NENF: variants seen among roughly 807,000 people sequenced by gnomAD.
The protein encoded by NENF is neudesin neurotrophic factor.
NENF carries 6 observed loss-of-function variants against 14.8 expected under a neutral mutation model. The observed-to-expected ratio is 0.40, with a 90% CI of 0.22 to 0.80. The LOEUF is 0.80. NENF is among the 30% of genes least tolerant of loss of function. The probability of loss-of-function intolerance (pLI) is 0.34; values close to 1 mark genes in which losing one functional copy is unlikely to be tolerated. For synonymous variants in NENF, 76 were observed against 95.1 expected (o/e 0.80, Z 1.17); for missense variants, 184 against 212.7 (o/e 0.87, Z 0.84).
In NENF at chr1:212,445,988, C is replaced by CA. The variant is rs763024026; in HGVS notation, c.502dup (p.Ile168AsnfsTer4). 3.1e-5 allele frequency: 50 copies of CA among 1,614,212 alleles called. No individual in the cohort carries two copies. The Middle Eastern group carries it at 5.0e-4, about 16-fold the overall frequency. On this transcript the variant is annotated frameshift_variant, in exon 4 of 4. Coordinates refer to ENST00000366988, the MANE Select transcript of NENF (RefSeq NM_013349.5). LOFTEE classifies it high-confidence loss of function. ...AGCCTGAAGACCAGCCCCATTTTGA[C>CA]ATCAAGGATGAGTTCTGATGTTCCC... is the stretch of plus-strand genomic sequence containing the variant.
chr1:212,435,363 C>T (rs1023614859), intron 1 of NENF, among the ~76,000 whole-genome samples: 5 of 152,182 alleles, frequency 3.3e-5, no homozygotes, highest in African/African-American at 1.2e-4. Flanking sequence ...CTTTTAGAGG[C>T]AGGGTCTTGC....
In NENF at chr1:212,433,956, A is replaced by C. The variant is rs938766073; in HGVS notation, c.177+836A>C. 6.6e-6 allele frequency among the ~76,000 whole-genome samples: 1 copy of C among 152,176 alleles called. No individual in the cohort carries two copies. The highest frequency in any genetic ancestry group is 1.5e-5 in the Non-Finnish European group (1 of 68,036). Reference sequence around the variant, plus strand: ...GCAGGAACCCATCTCCTGCTTTTACACATAAGGAAACTGAGGCCTGCCACC... The same window carrying C: ...GCAGGAACCCATCTCCTGCTTTTACCCATAAGGAAACTGAGGCCTGCCACC... On this transcript the variant is annotated intron_variant, in intron 1 of 3. Transcript: ENST00000366988. The surrounding 1 kb of genome is among the most constrained non-coding windows in gnomAD (Gnocchi z 5.5).
intron 1 of NENF, among the ~76,000 whole-genome samples, chr1:212,437,957 C>G (rs1337152228): frequency 6.6e-6 from 1 of 152,088 alleles, no homozygotes; most frequent in Admixed American, 6.5e-5. Flanking sequence ...AGTTTGAGAC[C>G]AGCCTGGGCA....
intron 2 of NENF, among the ~76,000 whole-genome samples, 179 bp downstream of exon 2, chr1:212,442,804 A>G (rs1166061232): frequency 1.3e-5 from 2 of 152,082 alleles, no homozygotes; most frequent in East Asian, 3.8e-4. Flanking sequence ...GTGCGGTGGC[A>G]CGATCTTGGC....
intron 1 of NENF, among the ~76,000 whole-genome samples, chr1:212,439,613 G>A (rs755872287): frequency 5.3e-5 from 8 of 149,712 alleles, no homozygotes; most frequent in Non-Finnish European, 1.2e-4. Flanking sequence ...AGAGGTCAAG[G>A]CAGGCAGATT....
In NENF at chr1:212,446,287, C is replaced by G. The variant is rs1277372507; in HGVS notation, c.*281C>G. ...GCAGTGGAATTTTGAGCGACCTTTA[C>G]TTTATACTTTTCTGTGCTTGACAGA... is the stretch of plus-strand genomic sequence containing the variant. On this transcript the variant is annotated 3_prime_UTR_variant, in exon 4 of 4. Coordinates refer to ENST00000366988, the MANE Select transcript of NENF (RefSeq NM_013349.5). 1.1e-5 allele frequency: 4 copies of G among 365,316 alleles called. No individual in the cohort carries two copies. In the Admixed American group the frequency reaches 1.2e-4, roughly 11 times the overall value. The allele number at this position is 365,316 out of a possible 1,614,324, so 22.6% of individuals were successfully genotyped here. A position where few individuals can be genotyped will look rare whatever the true frequency, so the allele number is the denominator to read the frequency against.
chr1:212,443,290 A>G (rs1662723895), intron 2 of NENF, among the ~76,000 whole-genome samples: 1 of 152,210 alleles, frequency 6.6e-6, no homozygotes, highest in Non-Finnish European at 1.5e-5. Context: ...ACTACTAATG[A>G]TATCTTGGAG....
In NENF at chr1:212,445,862, G is replaced by A. The variant is rs981224657; in HGVS notation, c.375G>A (p.Leu125=). The A allele has an allele frequency of 3.1e-6, 5 of 1,614,088 alleles. No homozygotes were observed. In the African/African-American group the frequency reaches 4.0e-5, roughly 13 times the overall value. The change falls in exon 4 of 4, where the codon CTG becomes CTA. Residue 125 remains leucine (L), a synonymous_variant. Transcript: ENST00000366988. Reference sequence around the variant, plus strand: ...TCACGGCCAAGGAACTGGAGGCCCTGGATGAGGTCTTCACCAAAGTGTACA... The same window carrying A: ...TCACGGCCAAGGAACTGGAGGCCCTAGATGAGGTCTTCACCAAAGTGTACA... ...TGLTAKELEA[L]DEVFTKVYKA...
At position 212,446,017 on chromosome 1, in the gene NENF, G is replaced by A. The variant is rs766943621; in HGVS notation, c.*11G>A. ...AAGGATGAGTTCTGATGTTCCCCCT[G>A]CAGGAGCAGGTTCTTGGGAGCGTGA... On this transcript the variant is annotated 3_prime_UTR_variant, in exon 4 of 4. Transcript: ENST00000366988. 3 of 1,613,850 alleles carry A rather than the reference G, an allele frequency of 1.9e-6. No homozygotes were observed. Among genetic ancestry groups the A allele is most frequent in the Non-Finnish European group, 2.5e-6 (3 of 1,179,888 alleles).
chr1:212,436,376 T>C (rs1662601743), intron 1 of NENF, among the ~76,000 whole-genome samples: 1 of 148,842 alleles, frequency 6.7e-6, no homozygotes, highest in Admixed American at 6.9e-5. Flanking sequence ...AGTGGTGTGA[T>C]CTCAGCTCAC....
At chr1:212,436,992 A>T (rs902111234) in intron 1 of NENF, among the ~76,000 whole-genome samples, 1 of 151,800 alleles carries the variant, frequency 6.6e-6, no homozygotes, top group Non-Finnish European at 1.5e-5. Flanking sequence ...ATTAAATGAG[A>T]TGGTGGTGTG....
intron 1 of NENF, among the ~76,000 whole-genome samples, chr1:212,441,429 C>G (rs1662696534): frequency 6.6e-6 from 1 of 152,056 alleles, no homozygotes; most frequent in Non-Finnish European, 1.5e-5. Context: ...GATTGGAAAC[C>G]ACCCAAATAC....
intron 1 of NENF, among the ~76,000 whole-genome samples, chr1:212,437,672 G>A (rs1005907026): frequency 7.9e-5 from 12 of 152,158 alleles, no homozygotes; most frequent in Non-Finnish European, 1.2e-4. Context: ...TGGGAAATCC[G>A]TGAAGCATGG....
rs565898461 is a variant in NENF, at chr1:212,440,161, A to G, written c.178-2404A>G. ...CAGCTACTCAGGAGACTGAGGCAGGAGAATCGCTTGAACTGGGGAGGTGGA... is the reference window on the plus strand; with the variant it reads ...CAGCTACTCAGGAGACTGAGGCAGGGGAATCGCTTGAACTGGGGAGGTGGA... On this transcript the variant is annotated intron_variant, in intron 1 of 3. Transcript: ENST00000366988. 3.8e-3 allele frequency among the ~76,000 whole-genome samples: 553 copies of G among 147,218 alleles called. 3 individuals are homozygous for G. The highest frequency in any genetic ancestry group is 6.9e-3 in the Middle Eastern group (2 of 288).
rs573981513 is a variant in NENF, at chr1:212,435,210, C to T, written c.177+2090C>T. Among the ~76,000 whole-genome samples, 456 of 152,270 alleles carry T rather than the reference C, an allele frequency of 3.0e-3. 4 individuals are homozygous for T. Among genetic ancestry groups the T allele is most frequent in the African/African-American group, 0.01 (435 of 41,538 alleles). ...AACCTCTCTGAGTCTCCACTTTGTT[C>T]GTAAGATACTTGGATTAGTCCAGGT... On this transcript the variant is annotated intron_variant, in intron 1 of 3. Coordinates refer to ENST00000366988, the MANE Select transcript of NENF (RefSeq NM_013349.5).
rs189927681 is a variant in NENF at position 212,437,801 on chromosome 1, A to G, written c.177+4681A>G. Among the ~76,000 whole-genome samples the G allele has an allele frequency of 2.4e-3, 371 of 152,294 alleles. 3 individuals are homozygous for G. Among genetic ancestry groups the G allele is most frequent in the South Asian group, 7.5e-3 (36 of 4,826 alleles). ...CTCAGAGTGATCCAAGGCTCCCTAA[A>G]TCATTCACATATGGGAATAGAAAAA... On this transcript the variant is annotated intron_variant, in intron 1 of 3. Transcript: ENST00000366988.
rs4804 is a variant in NENF, at chr1:212,445,997, T to C, written c.510T>C (p.Asp170=). 0.41 allele frequency: 665,582 copies of C among 1,613,552 alleles called. 141,455 individuals carry two copies. The highest frequency in any genetic ancestry group is 0.62 in the East Asian group (27,709 of 44,842). ...ACCAGCCCCATTTTGACATCAAGGA[T>C]GAGTTCTGATGTTCCCCCTGCAGGA... The part of the protein sequence containing the change: ...PEDQPHFDIK[D]EF The change falls in exon 4 of 4, where the codon GAT becomes GAC. Residue 170 remains aspartate, a synonymous_variant. Coordinates refer to ENST00000366988, the MANE Select transcript of NENF (RefSeq NM_013349.5).
intron 2 of NENF, 72 bp downstream of exon 2, chr1:212,442,697 G>A: frequency 2.8e-6 from 3 of 1,068,762 alleles, no homozygotes; most frequent in Non-Finnish European, 4.4e-6. Flanking sequence ...ACTTGGAGGT[G>A]TGAGGAAAGG....
Position 212,446,039 on chromosome 1 carries a change from G to A in NENF, c.*33G>A, listed in dbSNP as rs777398304. On this transcript the variant is annotated 3_prime_UTR_variant, in exon 4 of 4. Transcript: ENST00000366988. The stretch of plus-strand genomic sequence containing the variant: ...CCTGCAGGAGCAGGTTCTTGGGAGC[G>A]TGAGGCAGGAAGACACTAGGTGCTG... 52 of 1,610,456 alleles carry A rather than the reference G, an allele frequency of 3.2e-5. No individual in the cohort carries two copies. Among genetic ancestry groups the A allele is most frequent in the East Asian group, 6.7e-5 (3 of 44,852 alleles).
Sources: gnomAD v4.1 joint callset for allele counts (sites outside exome capture counted in the v4.1 genomes callset) on GRCh38, gnomAD v4.1.1 for gene constraint, Gnocchi (gnomAD v3.1) non-coding constraint, MANE v1.5 for transcripts, NCBI Gene and HGNC (gene_info 2026-07-23, HGNC 2026-07-21) for gene names.